Variants in ZNF385D observed in about 807,000 individuals in gnomAD.
ZNF385D encodes the protein zinc finger protein 659.
A neutral mutation model predicts 35.8 loss-of-function variants in ZNF385D; 15 were observed. The ratio of observed to expected loss-of-function variants is 0.42; its 90% confidence interval spans 0.28 to 0.64. ZNF385D has a LOEUF of 0.64. ZNF385D is among the 30% of genes least tolerant of loss of function. The pLI, the probability that ZNF385D is intolerant of heterozygous loss-of-function variation, is 0.23. For synonymous variants in ZNF385D, 212 were observed against 186.8 expected (o/e 1.13, Z -1.10); for missense variants, 474 against 494.6 (o/e 0.96, Z 0.39).
At chr3:21,600,152 C>T (rs1222325042) in intron 2 of ZNF385D, among the ~76,000 whole-genome samples, 1 of 152,184 alleles carries the variant, frequency 6.6e-6, no homozygotes, top group Non-Finnish European at 1.5e-5. Flanking sequence ...TAATCCAGCC[C>T]CTGTTTAGCA....
intron 2 of ZNF385D, among the ~76,000 whole-genome samples, chr3:21,591,363 T>C (rs1004818679): frequency 2.6e-5 from 4 of 152,168 alleles, no homozygotes; most frequent in South Asian, 2.1e-4. Context: ...TTTGTCCCTC[T>C]ATCACTTAAA....
At chr3:21,658,101 G>A (rs2066126172) in intron 2 of ZNF385D, among the ~76,000 whole-genome samples, 1 of 152,000 alleles carries the variant, frequency 6.6e-6, no homozygotes, top group Non-Finnish European at 1.5e-5. Flanking sequence ...CTAAGCTAAA[G>A]TTCTAGAATA....
At chr3:21,550,562 AACCTCC>A (rs2062530733) in intron 3 of ZNF385D, among the ~76,000 whole-genome samples, 1 of 152,142 alleles carries the variant, frequency 6.6e-6, no homozygotes, top group Admixed American at 6.5e-5. Context: ...GGCTTACTGC[AACCTCC>A]GCCTGCCAGG....
At chr3:22,236,231 G>T (rs1429434765) in intron 2 of ZNF385D, among the ~76,000 whole-genome samples, 1 of 152,108 alleles carries the variant, frequency 6.6e-6, no homozygotes, top group Non-Finnish European at 1.5e-5. Context: ...TTATGTATAC[G>T]TGTATTTACA....
At chr3:21,457,531 T>G (rs1486280563) in intron 4 of ZNF385D, among the ~76,000 whole-genome samples, 2 of 152,072 alleles carry the variant, frequency 1.3e-5, no homozygotes, top group African/African-American at 4.8e-5. Flanking sequence ...AATTTTTACA[T>G]TTTTAGTAGA....
intron 3 of ZNF385D, among the ~76,000 whole-genome samples, chr3:22,044,334 G>A (rs1027316236): frequency 2.6e-5 from 4 of 152,040 alleles, no homozygotes; most frequent in Non-Finnish European, 5.9e-5. Flanking sequence ...CTAATGTTTA[G>A]TACATGTCCT....
chr3:22,305,399 A>G (rs1485346835), intron 2 of ZNF385D, among the ~76,000 whole-genome samples: 1 of 152,280 alleles, frequency 6.6e-6, no homozygotes, highest in East Asian at 1.9e-4. Context: ...AACTACATCA[A>G]TCTGGTTACT....
intron 4 of ZNF385D, among the ~76,000 whole-genome samples, chr3:21,458,011 A>G (rs1702926308): frequency 6.6e-6 from 1 of 152,206 alleles, no homozygotes; most frequent in Non-Finnish European, 1.5e-5. Flanking sequence ...CCTCAAAAAA[A>G]GTTCCTGAGA....
intron 2 of ZNF385D, among the ~76,000 whole-genome samples, chr3:22,250,221 T>G (rs188747395): frequency 6.6e-6 from 1 of 152,138 alleles, no homozygotes; most frequent in South Asian, 2.1e-4. Context: ...GAAAATTTCT[T>G]TATAGATATA....
chr3:21,536,575 T>C (rs2062040158), intron 3 of ZNF385D, among the ~76,000 whole-genome samples: 1 of 152,098 alleles, frequency 6.6e-6, no homozygotes, highest in South Asian at 2.1e-4. Context: ...AATTTATGCA[T>C]TTAATTAGTA....
chr3:21,557,468 A>C (rs2062782680), intron 3 of ZNF385D, among the ~76,000 whole-genome samples: 1 of 152,156 alleles, frequency 6.6e-6, no homozygotes, highest in African/African-American at 2.4e-5. Context: ...GGTTACGTAT[A>C]TTTATTTGCA....
At chr3:22,156,606 T>C (rs1057384788) in intron 3 of ZNF385D, among the ~76,000 whole-genome samples, 1 of 152,114 alleles carries the variant, frequency 6.6e-6, no homozygotes. Flanking sequence ...CCCCAGTACA[T>C]GTTAGAATAC....
chr3:21,560,648 G>A (rs984650380), intron 3 of ZNF385D, among the ~76,000 whole-genome samples: 5 of 152,212 alleles, frequency 3.3e-5, no homozygotes, highest in Non-Finnish European at 5.9e-5. Context: ...GAGGCAGTCT[G>A]ACCCTTAGCA....
intron 3 of ZNF385D, among the ~76,000 whole-genome samples, chr3:22,106,508 G>C (rs945892566): frequency 2.0e-5 from 3 of 152,060 alleles, no homozygotes; most frequent in East Asian, 1.9e-4. Context: ...ACTGGAAAAG[G>C]TTTGCTGTCT....
intron 3 of ZNF385D, among the ~76,000 whole-genome samples, chr3:21,514,598 G>A (rs1707442941): frequency 6.6e-6 from 1 of 151,970 alleles, no homozygotes; most frequent in South Asian, 2.1e-4. Flanking sequence ...ACCACAGGCA[G>A]CCAACGGTTC....
At chr3:22,001,607 C>A (rs1695849702) in intron 3 of ZNF385D, among the ~76,000 whole-genome samples, 1 of 152,060 alleles carries the variant, frequency 6.6e-6, no homozygotes, top group Non-Finnish European at 1.5e-5. Flanking sequence ...ATTTAAACTG[C>A]ACATTACACC....
intron 3 of ZNF385D, among the ~76,000 whole-genome samples, chr3:22,084,949 A>G (rs1282116719): frequency 1.3e-5 from 2 of 152,242 alleles, no homozygotes; most frequent in Non-Finnish European, 2.9e-5. Context: ...CTACATGGAA[A>G]CTGAACAACC....
At chr3:21,925,429 T>C (rs1700678318) in intron 3 of ZNF385D, among the ~76,000 whole-genome samples, 1 of 152,138 alleles carries the variant, frequency 6.6e-6, no homozygotes, top group African/African-American at 2.4e-5. Flanking sequence ...AAAACATGTT[T>C]AGCTTCAATA....
At chr3:22,282,886 C>G (rs1421295562) in intron 2 of ZNF385D, among the ~76,000 whole-genome samples, 1 of 151,952 alleles carries the variant, frequency 6.6e-6, no homozygotes, top group Non-Finnish European at 1.5e-5. Flanking sequence ...TTAAAAGACA[C>G]AGAATGGCAG....
Sources: gnomAD v4.1 joint callset for allele counts (sites outside exome capture counted in the v4.1 genomes callset) on GRCh38, gnomAD v4.1.1 for gene constraint, MANE v1.5 for transcripts, NCBI Gene and HGNC (gene_info 2026-07-23, HGNC 2026-07-21) for gene names.